Variants in RAB33A observed in about 807,000 individuals in gnomAD.
RAB33A encodes the protein RAB33A, member RAS oncogene family.
RAB33A carries 6 observed loss-of-function variants against 12.0 expected under a neutral mutation model. The ratio of observed to expected loss-of-function variants is 0.50; its 90% CI spans 0.27 to 0.99. The LOEUF is 0.99. Ranked by LOEUF, RAB33A falls within the 50% of genes least tolerant of loss-of-function variation. The pLI, the probability that RAB33A is intolerant of heterozygous loss-of-function variation, is 0.11. For missense variants in RAB33A, 109 were observed against 192.0 expected (o/e 0.57, Z 2.55); for synonymous variants, 70 against 82.4 (o/e 0.85, Z 0.81).
chrX:130,161,554 C>T, the RAB33A span, among the ~76,000 whole-genome samples: 2 of 105,166 alleles, frequency 1.9e-5, no homozygotes, highest in African/African-American at 3.4e-5. Flanking sequence ...CCTAGATAGT[C>T]TGTCCATTGT....
At chrX:130,133,870 A>T in the RAB33A span, among the ~76,000 whole-genome samples, 1 of 108,506 alleles carries the variant, frequency 9.2e-6, no homozygotes, top group Admixed American at 9.9e-5. Flanking sequence ...GGGCTCAAGC[A>T]ATGTGCCTGC....
At chrX:130,122,578 G>A in the RAB33A span, among the ~76,000 whole-genome samples, 2 of 112,207 alleles carry the variant, frequency 1.8e-5, no homozygotes, top group Non-Finnish European at 3.8e-5. Context: ...AGGGGGGGTG[G>A]GAGGTAGAAG....
the RAB33A span, among the ~76,000 whole-genome samples, chrX:130,132,047 T>A: frequency 9.0e-6 from 1 of 111,456 alleles, no homozygotes; most frequent in East Asian, 2.8e-4. Context: ...AATTTTTGTA[T>A]TTTTAGTAGA....
the RAB33A span, among the ~76,000 whole-genome samples, chrX:130,164,166 TC>T: frequency 4.3e-3 from 250 of 57,800 alleles, no homozygotes; most frequent in African/African-American, 0.023. Context: ...AGACTCCGTC[TC>T]AAAAAAAAAA....
At chrX:130,124,596 G>A in the RAB33A span, among the ~76,000 whole-genome samples, 1 of 112,133 alleles carries the variant, frequency 8.9e-6, no homozygotes, top group African/African-American at 3.2e-5. Context: ...CCTGATAGTG[G>A]TCCTCCAGAG....
chrX:130,130,107 G>A, the RAB33A span: 14 of 1,210,110 alleles, frequency 1.2e-5, no homozygotes, highest in African/African-American at 1.7e-4. Flanking sequence ...GGGGTGCTGG[G>A]AGGAATAGTA....
chrX:130,165,862 G>T, the RAB33A span: 1 of 468,081 alleles, frequency 2.1e-6, no homozygotes. Flanking sequence ...GGCCTACTGC[G>T]CAGGCGTAGC....
the RAB33A span, among the ~76,000 whole-genome samples, chrX:130,117,881 T>G: frequency 8.9e-6 from 1 of 112,276 alleles, no homozygotes; most frequent in East Asian, 2.8e-4. Flanking sequence ...GTCCTCAGAG[T>G]GAAGCTGGGG....
the RAB33A span, among the ~76,000 whole-genome samples, chrX:130,155,577 A>G: frequency 8.9e-6 from 1 of 112,293 alleles, no homozygotes; most frequent in Non-Finnish European, 1.9e-5. Flanking sequence ...GGTAGCTTCA[A>G]ATAATTTTCA....
At chrX:130,167,603 C>T (rs2031553809), upstream of RAB33A, among the ~76,000 whole-genome samples, 1 of 112,283 alleles carries the variant, frequency 8.9e-6, no homozygotes, top group African/African-American at 3.2e-5. Flanking sequence ...ATTAGCCGGG[C>T]GCCATGGCAT....
upstream of RAB33A, chrX:130,171,809 C>A (rs2124684976): frequency 5.1e-6 from 2 of 391,191 alleles, no homozygotes; most frequent in South Asian, 8.9e-5. Context: ...CCTCCTCTCC[C>A]TGGCTTTTGT....
intron 1 of RAB33A, among the ~76,000 whole-genome samples, chrX:130,176,779 G>A (rs1305283713): frequency 8.9e-6 from 1 of 112,025 alleles, no homozygotes. Context: ...GATCTTAGAT[G>A]CAGATGGGAC....
chrX:130,162,977 A>T, the RAB33A span, among the ~76,000 whole-genome samples: 1 of 111,694 alleles, frequency 9.0e-6, no homozygotes, highest in African/African-American at 3.3e-5. Context: ...CATGGTTTTA[A>T]GGCAGAATGC....
At chrX:130,123,608 A>G in the RAB33A span, among the ~76,000 whole-genome samples, 7 of 103,911 alleles carry the variant, frequency 6.7e-5, no homozygotes, top group African/African-American at 2.5e-4. Context: ...GAGGCAGGAG[A>G]ATCGCTTGAA....
At chrX:130,132,433 G>A in the RAB33A span, among the ~76,000 whole-genome samples, 63 of 112,759 alleles carry the variant, frequency 5.6e-4, no homozygotes, top group African/African-American at 2.0e-3. Flanking sequence ...CACTACTTTT[G>A]TCTTGAAATT....
At chrX:130,132,086 G>T in the RAB33A span, among the ~76,000 whole-genome samples, 1 of 111,281 alleles carries the variant, frequency 9.0e-6, no homozygotes, top group African/African-American at 3.3e-5. Context: ...TGGCCAGGCT[G>T]GTCTTGAACT....
chrX:130,141,755 C>T, the RAB33A span, among the ~76,000 whole-genome samples: 1 of 111,970 alleles, frequency 8.9e-6, no homozygotes, highest in Non-Finnish European at 1.9e-5. Flanking sequence ...GAACCTGGCT[C>T]ATACTTTTCC....
intron 1 of RAB33A, 115 bp from the exon 2 acceptor site, chrX:130,184,170 T>G: frequency 2.3e-5 from 16 of 700,285 alleles, no homozygotes; most frequent in Non-Finnish European, 3.0e-5. Context: ...ATTATAGGCG[T>G]GAGCCACCGC....
chrX:130,147,866 T>G, the RAB33A span: 2 of 1,211,716 alleles, frequency 1.7e-6, no homozygotes, highest in East Asian at 5.9e-5. Context: ...GAACTTCCTC[T>G]CCTTCTGAAG....
Sources: gnomAD v4.1 joint callset for allele counts (sites outside exome capture counted in the v4.1 genomes callset) on GRCh38, gnomAD v4.1.1 for gene constraint, MANE v1.5 for transcripts, NCBI Gene and HGNC (gene_info 2026-07-23, HGNC 2026-07-21) for gene names.